Variants in NLRC5 observed in about 807,000 individuals in gnomAD.
The protein encoded by NLRC5 is NLR family CARD domain containing 5.
In NLRC5, 114 loss-of-function variants were observed where a neutral mutation model predicts 206.9. The ratio of observed to expected loss-of-function variants is 0.55; its 90% CI spans 0.47 to 0.64. The LOEUF is 0.64. Among genes scored for constraint, NLRC5 ranks in the 30% least tolerant of loss-of-function variants. The pLI is 0.00. For missense variants in NLRC5, 2,008 were observed against 2,305.5 expected (o/e 0.87, Z 2.64); for synonymous variants, 952 against 962.8 (o/e 0.99, Z 0.21).
In NLRC5 at chr16:57,081,188, G is replaced by C. The variant is rs542584503; in HGVS notation, c.5405+7G>C. The C allele has an allele frequency of 6.5e-7, 1 of 1,539,392 alleles. No individual in the cohort carries two copies. Among genetic ancestry groups the C allele is most frequent in the Middle Eastern group, 1.7e-4 (1 of 5,790 alleles). On this transcript the variant is annotated splice_region_variant and intron_variant, in intron 47 of 48. Transcript: ENST00000688547. ...GCCGGCTGAAGAGAGTGGAGTATGA[G>C]GGGCCGGGGGAGGAATGGGACGGGC...
Position 57,067,483 on chromosome 16 carries a change from A to G in NLRC5, c.4406+13A>G. 6.2e-7 allele frequency: 1 copy of G among 1,613,702 alleles called. No individual in the cohort carries two copies. The highest frequency in any genetic ancestry group is 8.5e-7 in the Non-Finnish European group (1 of 1,179,604). On this transcript the variant is annotated intron_variant, in intron 35 of 48. Coordinates refer to ENST00000688547, the MANE Select transcript of NLRC5 (RefSeq NM_001384950.1). ...TGCAGCAGCTCAGGTCAGCGCCTGG[A>G]AACTCTGTGTGGGGCCCTGAGTTCT... is the stretch of plus-strand genomic sequence containing the variant.
chr16:57,015,462 TATC>T (rs2142771031), intron 1 of NLRC5, among the ~76,000 whole-genome samples: 1 of 152,228 alleles, frequency 6.6e-6, no homozygotes, highest in Non-Finnish European at 1.5e-5. Flanking sequence ...TTTTTTAAAA[TATC>T]ATTTAGCTGG....
chr16:57,051,973 G>T (rs976230672), intron 24 of NLRC5, among the ~76,000 whole-genome samples: 5 of 152,132 alleles, frequency 3.3e-5, no homozygotes, highest in African/African-American at 1.2e-4. Flanking sequence ...AGAAATGGAA[G>T]ATCTGTGACA....
chr16:57,051,014 G>A (rs773959901), intron 23 of NLRC5, among the ~76,000 whole-genome samples: 1 of 151,948 alleles, frequency 6.6e-6, no homozygotes, highest in African/African-American at 2.4e-5. Flanking sequence ...CACCACGCCT[G>A]GCTAATTTTT....
rs768811851 is a variant in NLRC5, at chr16:57,043,561, C to T, written c.3160C>T (p.Arg1054Trp). 44 of 1,614,088 alleles carry T rather than the reference C, an allele frequency of 2.7e-5. No individual in the cohort carries two copies. Among genetic ancestry groups the T allele is most frequent in the Non-Finnish European group, 3.4e-5 (40 of 1,180,004 alleles). ...LSLDAVLGLVRCFSTLQWLFR... is the reference protein window; with the variant it reads ...LSLDAVLGLVWCFSTLQWLFR... ...CCTGGATGCCGTGTTGGGTTTGGTTCGGTGCTTCTCCACTCTGCAGTGGCT... is the reference window on the plus strand; with the variant it reads ...CCTGGATGCCGTGTTGGGTTTGGTTTGGTGCTTCTCCACTCTGCAGTGGCT... The change falls in exon 20 of 49, where the codon CGG (arginine) becomes TGG (tryptophan). Residue 1054 changes from arginine to tryptophan, a missense_variant. Physicochemically the swap from Arg to Trp is moderately radical, Grantham distance 101. Transcript: ENST00000688547.
In NLRC5 at chr16:57,027,008, G is replaced by C; in HGVS notation, c.2065G>C (p.Glu689Gln). The C allele has an allele frequency of 6.2e-7, 1 of 1,613,492 alleles. No homozygotes were observed. The highest frequency in any genetic ancestry group is 8.5e-7 in the Non-Finnish European group (1 of 1,179,556). Reference sequence around the variant, plus strand: ...GGCTCTGGTAGGCTGTGGGCAGATAGAGAATCTCAGGTGAGTAAGAGTGGA... The same window carrying C: ...GGCTCTGGTAGGCTGTGGGCAGATACAGAATCTCAGGTGAGTAAGAGTGGA... ...PEALVGCGQIENLSFKSRKCG... is the reference protein window; with the variant it reads ...PEALVGCGQIQNLSFKSRKCG... The change falls in exon 6 of 49, where the codon GAG (glutamate) becomes CAG (glutamine). Residue 689 changes from glutamate to glutamine, a missense_variant. Coordinates refer to ENST00000688547, the MANE Select transcript of NLRC5 (RefSeq NM_001384950.1).
chr16:57,079,187 G>T (rs377638623), intron 44 of NLRC5, 34 bp from the exon 45 acceptor site: 2 of 1,613,930 alleles, frequency 1.2e-6, no homozygotes, highest in East Asian at 4.5e-5. Flanking sequence ...CGGGTCTGGG[G>T]GTTCCTCTCA....
intron 1 of NLRC5, chr16:56,992,335 C>T (rs2056997800): frequency 6.6e-6 from 1 of 152,220 alleles, no homozygotes; most frequent in Non-Finnish European, 1.5e-5. Flanking sequence ...CATCTCTGCT[C>T]TGTTTTCCAT....
intron 23 of NLRC5, among the ~76,000 whole-genome samples, chr16:57,048,754 G>A (rs1212412993): frequency 3.9e-5 from 6 of 152,066 alleles, no homozygotes; most frequent in Admixed American, 6.5e-5. Flanking sequence ...GGCTGGTCTC[G>A]AACTCCTGAC....
At chr16:57,053,687 C>G (rs1218979825) in intron 24 of NLRC5, among the ~76,000 whole-genome samples, 1 of 152,106 alleles carries the variant, frequency 6.6e-6, no homozygotes, top group African/African-American at 2.4e-5. Flanking sequence ...CACCATCATG[C>G]CCAGCTAATT....
At position 57,028,173 on chromosome 16, in the gene NLRC5, G is replaced by T; in HGVS notation, c.2159+18G>T. The T allele has an allele frequency of 1.2e-6, 2 of 1,607,886 alleles. No individual in the cohort carries two copies. Among genetic ancestry groups the T allele is most frequent in the Non-Finnish European group, 1.7e-6 (2 of 1,174,974 alleles). ...ATGCTGGGGTGAGCCAGGCCTTGGA[G>T]CTGAGAAGGGTCTTCAGCTGGGGAT... is the stretch of plus-strand genomic sequence containing the variant. On this transcript the variant is annotated intron_variant, in intron 7 of 48. Coordinates refer to ENST00000688547, the MANE Select transcript of NLRC5 (RefSeq NM_001384950.1).
intron 1 of NLRC5, among the ~76,000 whole-genome samples, chr16:56,995,219 G>A (rs2057451153): frequency 6.6e-6 from 1 of 152,184 alleles, no homozygotes; most frequent in African/African-American, 2.4e-5. Context: ...CCCTCAGCTA[G>A]AGGAGTGCCC....
chr16:57,024,095 G>A (rs2060990962), intron 5 of NLRC5, among the ~76,000 whole-genome samples: 1 of 152,240 alleles, frequency 6.6e-6, no homozygotes. Flanking sequence ...GGGCTCCGCT[G>A]AAGGAGCTGG....
intron 19 of NLRC5, among the ~76,000 whole-genome samples, chr16:57,042,591 C>A (rs1484012997): frequency 6.6e-6 from 1 of 152,166 alleles, no homozygotes; most frequent in African/African-American, 2.4e-5. Flanking sequence ...GCCCTTGGTG[C>A]TTTTGGCTCA....
Position 57,055,429 on chromosome 16 carries a change from C to G in NLRC5, c.3660-4C>G. On this transcript the variant is annotated splice_region_variant and splice_polypyrimidine_tract_variant and intron_variant, in intron 26 of 48. Coordinates refer to ENST00000688547, the MANE Select transcript of NLRC5 (RefSeq NM_001384950.1). The stretch of plus-strand genomic sequence containing the variant: ...CCCTGCTTGTCCCCTTTACCTCCGT[C>G]CAGCAGGTTCACAGGCTGCAGCCTC... 1 of 1,613,796 alleles carries G rather than the reference C, an allele frequency of 6.2e-7. No individual in the cohort carries two copies. The highest frequency in any genetic ancestry group is 8.5e-7 in the Non-Finnish European group (1 of 1,179,852).
At chr16:57,002,581 T>C (rs1309653008) in intron 1 of NLRC5, among the ~76,000 whole-genome samples, 1 of 152,120 alleles carries the variant, frequency 6.6e-6, no homozygotes, top group Non-Finnish European at 1.5e-5. Context: ...TTCTTTTGGG[T>C]ATATACCTAG....
intron 19 of NLRC5, 68 bp downstream of exon 19, chr16:57,042,133 C>G: frequency 9.9e-7 from 1 of 1,014,836 alleles, no homozygotes; most frequent in Non-Finnish European, 1.4e-6. Flanking sequence ...TCCCATCCCC[C>G]TCTTTCCTGG....
intron 15 of NLRC5, among the ~76,000 whole-genome samples, chr16:57,039,140 C>T (rs1391261419): frequency 6.6e-6 from 1 of 152,078 alleles, no homozygotes. Flanking sequence ...GGACTCACTC[C>T]AAAGGTTACC....
chr16:57,045,068 G>T (rs1000596904), intron 20 of NLRC5, among the ~76,000 whole-genome samples: 4 of 151,968 alleles, frequency 2.6e-5, no homozygotes, highest in Non-Finnish European at 5.9e-5. Context: ...AGACAGTCAT[G>T]GTGGGGCGTT....
Sources: allele counts gnomAD v4.1 joint callset (sites outside exome capture counted in the v4.1 genomes callset), GRCh38; gene constraint gnomAD v4.1.1; transcripts MANE v1.5; gene names NCBI Gene and HGNC (gene_info 2026-07-23, HGNC 2026-07-21).